Variants in CASC3 observed in about 807,000 individuals in gnomAD.
CASC3 encodes the protein CASC3 exon junction complex subunit, also known as protein CASC3.
Under a neutral mutation model 80.5 loss-of-function variants are expected in CASC3, and 30 were observed. The observed-to-expected ratio is 0.37, with a 90% CI of 0.28 to 0.51. The LOEUF is 0.51. Among genes scored for constraint, CASC3 ranks in the 20% least tolerant of loss-of-function variants. CASC3 has a pLI of 0.94. For missense variants in CASC3, 824 were observed against 922.2 expected, an observed-to-expected ratio of 0.89 and a Z score of 1.38; for synonymous variants, 312 against 333.6, an observed-to-expected ratio of 0.94 and a Z score of 0.70.
intron 3 of CASC3, among the ~76,000 whole-genome samples, chr17:40,146,587 C>T (rs945066070): frequency 3.3e-5 from 5 of 151,906 alleles, no homozygotes; most frequent in African/African-American, 1.2e-4. Flanking sequence ...CAGGCGCACG[C>T]CACCATGCCT....
At chr17:40,152,663 C>CG (rs781652630) in intron 3 of CASC3, among the ~76,000 whole-genome samples, 8 of 151,802 alleles carry the variant, frequency 5.3e-5, no homozygotes, top group Admixed American at 2.0e-4. Flanking sequence ...GGCAAAGAAT[C>CG]GCTGTATTGC....
In CASC3 at chr17:40,171,771, T is replaced by C; in HGVS notation, c.*1366T>C. ...AGAACCTGAGGGCAAAGATGGTGGCTGTGTCTCTCCCCGGTAATGTCACTG... is the reference window on the plus strand; with the variant it reads ...AGAACCTGAGGGCAAAGATGGTGGCCGTGTCTCTCCCCGGTAATGTCACTG... On this transcript the variant is annotated 3_prime_UTR_variant, in exon 14 of 14. Coordinates refer to ENST00000264645, the MANE Select transcript of CASC3 (RefSeq NM_007359.5). 8.6e-7 allele frequency: 1 copy of C among 1,160,662 alleles called. No homozygotes were observed. The highest frequency in any genetic ancestry group is 1.1e-6 in the Non-Finnish European group (1 of 927,922). The allele number at this position is 1,160,662 out of a possible 1,614,324, so 71.9% of individuals were successfully genotyped here.
At chr17:40,167,118 T>C in intron 8 of CASC3, 1 of 511,454 alleles carries the variant, frequency 2.0e-6, no homozygotes, top group Non-Finnish European at 3.4e-6. Context: ...CGTGCCATCA[T>C]GCCCAGCTAA....
At chr17:40,161,448 A>C (rs1328866742) in intron 3 of CASC3, among the ~76,000 whole-genome samples, 1 of 152,174 alleles carries the variant, frequency 6.6e-6, no homozygotes, top group African/African-American at 2.4e-5. Context: ...TGGGCGGCCA[A>C]GGCAGGCAGA....
At chr17:40,142,929 A>C (rs922012132) in intron 3 of CASC3, among the ~76,000 whole-genome samples, 13 of 151,596 alleles carry the variant, frequency 8.6e-5, no homozygotes, top group Non-Finnish European at 2.9e-5. Flanking sequence ...CTACTAAAAA[A>C]TACAAAAATT....
At chr17:40,149,067 G>A (rs537415455) in intron 3 of CASC3, among the ~76,000 whole-genome samples, 2 of 151,924 alleles carry the variant, frequency 1.3e-5, no homozygotes, top group African/African-American at 2.4e-5. Flanking sequence ...GTAGAGACGC[G>A]GTTTTACCAT....
intron 3 of CASC3, among the ~76,000 whole-genome samples, chr17:40,153,251 T>C (rs1989056557): frequency 6.6e-6 from 1 of 151,986 alleles, no homozygotes; most frequent in Non-Finnish European, 1.5e-5. Context: ...GTTATCTTTC[T>C]GTGTCTAGCT....
In CASC3 at chr17:40,166,880, G is replaced by A. The variant is rs200973321; in HGVS notation, c.1536+19G>A. On this transcript the variant is annotated intron_variant, in intron 8 of 13. Coordinates refer to ENST00000264645, the MANE Select transcript of CASC3 (RefSeq NM_007359.5). Reference sequence around the variant, plus strand: ...AGAAATGGTACAGAAGGGGAAAGGGGTAGATGGGGGAGGGAGCTGCCTGTT... The same window carrying A: ...AGAAATGGTACAGAAGGGGAAAGGGATAGATGGGGGAGGGAGCTGCCTGTT... 1.9e-6 allele frequency: 3 copies of A among 1,586,206 alleles called. No homozygotes were observed. Among genetic ancestry groups the A allele is most frequent in the South Asian group, 2.3e-5 (2 of 88,232 alleles).
In CASC3 at chr17:40,140,609, T is replaced by G; in HGVS notation, c.61T>G (p.Ser21Ala). ...CACCGAGGACGAGGAATCTGGTGCTTCGGGCTCCGACAGCGGCGGCTCCCC... is the reference window on the plus strand; with the variant it reads ...CACCGAGGACGAGGAATCTGGTGCTGCGGGCTCCGACAGCGGCGGCTCCCC... ...QDTEDEESGA[S>A]GSDSGGSPLR... The change falls in exon 1 of 14, where the codon TCG (serine) becomes GCG (alanine). Residue 21 changes from serine to alanine, a missense_variant. Ser to Ala is a moderately conservative substitution (Grantham distance 99, BLOSUM62 1). Around this residue, in one of 3 missense-constraint regions of CASC3, gnomAD observed 159 missense variants for 122.2 expected, o/e 1.30. Transcript: ENST00000264645. The G allele has an allele frequency of 6.2e-7, 1 of 1,610,862 alleles. No individual in the cohort carries two copies. Among genetic ancestry groups the G allele is most frequent in the Admixed American group, 1.7e-5 (1 of 59,960 alleles).
Position 40,167,513 on chromosome 17 carries a change from C to A in CASC3, c.1552C>A (p.Arg518=). The change falls in exon 9 of 14, where the codon CGA becomes AGA. Residue 518 remains arginine (R), a synonymous_variant. Coordinates refer to ENST00000264645, the MANE Select transcript of CASC3 (RefSeq NM_007359.5). ...RMEEMGVQGG[R]AKRYSSQRQR... The stretch of plus-strand genomic sequence containing the variant: ...TTTGTCTCAGGGTGTCCAGGGTGGT[C>A]GAGCCAAACGCTATTCATCCCAGCG... 2 of 1,613,816 alleles carry A rather than the reference C, an allele frequency of 1.2e-6. No individual in the cohort carries two copies. The highest frequency in any genetic ancestry group is 2.2e-5 in the South Asian group (2 of 91,062).
intron 5 of CASC3, 87 bp from the exon 6 acceptor site, chr17:40,162,638 C>T (rs1989331613): frequency 1.6e-6 from 2 of 1,268,136 alleles, no homozygotes; most frequent in Non-Finnish European, 2.2e-6. Flanking sequence ...CCTATTGTCC[C>T]CCTGCCTCCC....
At chr17:40,150,969 C>T (rs552574926) in intron 3 of CASC3, among the ~76,000 whole-genome samples, 6 of 151,904 alleles carry the variant, frequency 3.9e-5, no homozygotes, top group African/African-American at 1.4e-4. Flanking sequence ...GCCGAGATCA[C>T]GCCACTGCAC....
intron 1 of CASC3, 182 bp downstream of exon 1, chr17:40,140,961 G>T: frequency 3.1e-6 from 2 of 641,162 alleles, no homozygotes; most frequent in Non-Finnish European, 5.3e-6. Context: ...GAAGAAGAAG[G>T]ATTGGGGGTT....
chr17:40,164,029 C>G lies in CASC3; in HGVS notation c.1334C>G (p.Pro445Arg), dbSNP rs1989378860. The G allele has an allele frequency of 1.2e-6, 2 of 1,614,044 alleles. No homozygotes were observed. The highest frequency in any genetic ancestry group is 1.7e-6 in the Non-Finnish European group (2 of 1,180,030). The change falls in exon 7 of 14, where the codon CCT (proline) becomes CGT (arginine). Residue 445 changes from proline (P) to arginine (R), a missense_variant. By Grantham distance (103) the Pro-to-Arg change is moderately radical. This residue lies in a region of CASC3 where 464 missense variants were observed against 506.0 expected (regional missense o/e 0.92). Coordinates refer to ENST00000264645, the MANE Select transcript of CASC3 (RefSeq NM_007359.5). ...PPVPETTPTP[P>R]TKTGTWEAPV... ...GTCCCAGAAACCACCCCAACTCCAC[C>G]TACTAAGACTGGGACCTGGGAAGCT... is the stretch of plus-strand genomic sequence containing the variant.
chr17:40,162,190 A>G, intron 5 of CASC3, 37 bp downstream of exon 5: 2 of 1,592,024 alleles, frequency 1.3e-6, no homozygotes, highest in Middle Eastern at 1.7e-4. Flanking sequence ...TCTAACATGT[A>G]TTTTACACAT....
At position 40,168,193 on chromosome 17, in the gene CASC3, C is replaced by T. The variant is rs776129765; in HGVS notation, c.1751-10C>T. 2 of 1,612,294 alleles carry T rather than the reference C, an allele frequency of 1.2e-6. No individual in the cohort carries two copies. Among genetic ancestry groups the T allele is most frequent in the Admixed American group, 1.7e-5 (1 of 59,988 alleles). On this transcript the variant is annotated splice_polypyrimidine_tract_variant and intron_variant, in intron 10 of 13. Transcript: ENST00000264645. Reference sequence around the variant, plus strand: ...CTTTATTTTTCAGTTTTTTTCTTCTCCTTATCCAGGTTTACATCCCCACCA... The same window carrying T: ...CTTTATTTTTCAGTTTTTTTCTTCTTCTTATCCAGGTTTACATCCCCACCA...
Position 40,140,769 on chromosome 17 carries a change from A to C in CASC3, c.221A>C (p.Glu74Ala), listed in dbSNP as rs766998291. The C allele has an allele frequency of 1.2e-4, 137 of 1,169,528 alleles. No individual in the cohort carries two copies. Among genetic ancestry groups the C allele is most frequent in the East Asian group, 1.4e-4 (2 of 14,524 alleles). 72.4% of individuals were successfully genotyped at this position (1,169,528 alleles called of 1,614,324 possible). ...VESGGAKSAE[E>A]SECESEDGIE... is the part of the protein sequence containing the mutation. The stretch of plus-strand genomic sequence containing the variant: ...AGCGGGGGCGCCAAGAGTGCTGAGG[A>C]GTCGGAGTGTGTGAGTGCGCGCAGG... Residue 74 changes from glutamate (E) to alanine (A), a missense_variant, in exon 1 of 14, where the codon GAG becomes GCG. Glu to Ala is a moderately radical substitution (Grantham distance 107). Around this residue, in one of 3 missense-constraint regions of CASC3, gnomAD observed 159 missense variants for 122.2 expected, o/e 1.30. Transcript: ENST00000264645.
At chr17:40,151,566 C>T (rs551602941) in intron 3 of CASC3, among the ~76,000 whole-genome samples, 1 of 151,910 alleles carries the variant, frequency 6.6e-6, no homozygotes, top group East Asian at 1.9e-4. Flanking sequence ...TGGTGGCGTG[C>T]ACCTGTAGTC....
Position 40,171,511 on chromosome 17 carries a change from T to C in CASC3, c.*1106T>C, listed in dbSNP as rs1236808246. ...CCACGTCTTTCCTGCTACAAGTGTT[T>C]TAGATGTTACTACCTTATTTTCCCC... On this transcript the variant is annotated 3_prime_UTR_variant, in exon 14 of 14. Transcript: ENST00000264645. The C allele has an allele frequency of 7.1e-6, 7 of 988,978 alleles. No homozygotes were observed. The East Asian group carries it at 5.5e-4, about 78-fold the overall frequency. 61.3% of individuals were successfully genotyped at this position (988,978 alleles called of 1,614,324 possible). A position where few individuals can be genotyped will look rare whatever the true frequency, so the allele number is the denominator to read the frequency against.
Sources: allele counts gnomAD v4.1 joint callset (sites outside exome capture counted in the v4.1 genomes callset), GRCh38; gene constraint gnomAD v4.1.1; regional missense constraint gnomAD v4.1.1; transcripts MANE v1.5; gene names NCBI Gene and HGNC (gene_info 2026-07-23, HGNC 2026-07-21).